The following GNA12 variants were observed in gnomAD, a reference collection of about 807,000 sequenced individuals.
GNA12 encodes G protein subunit alpha 12.
A neutral mutation model predicts 26.0 loss-of-function variants in GNA12; 9 were observed. That is an observed-to-expected ratio of 0.35 (90% CI 0.21 to 0.60). The LOEUF is 0.60. Ranked by LOEUF, GNA12 falls within the 20% of genes least tolerant of loss-of-function variation. The pLI is 0.78. For missense variants in GNA12, 405 were observed against 525.8 expected, an observed-to-expected ratio of 0.77 and a Z score of 2.25; for synonymous variants, 264 against 219.6, an observed-to-expected ratio of 1.20 and a Z score of -1.79.
intron 2 of GNA12, among the ~76,000 whole-genome samples, chr7:2,782,931 T>C (rs1792266850): frequency 6.6e-6 from 1 of 152,248 alleles, no homozygotes; most frequent in Non-Finnish European, 1.5e-5. Flanking sequence ...TTGAGTTTTT[T>C]AGTTTTAAAT....
intron 1 of GNA12, among the ~76,000 whole-genome samples, chr7:2,803,651 T>C (rs892354200): frequency 6.6e-6 from 1 of 152,058 alleles, no homozygotes; most frequent in African/African-American, 2.4e-5. Flanking sequence ...TTTAGTTCAG[T>C]TGGACAGTGG....
At chr7:2,773,004 T>C (rs1467938661) in intron 2 of GNA12, among the ~76,000 whole-genome samples, 3 of 152,200 alleles carry the variant, frequency 2.0e-5, no homozygotes, top group Admixed American at 2.0e-4. Flanking sequence ...CTCTCAGTCA[T>C]TAAGCAAAGA....
Position 2,728,661 on chromosome 7 carries a change from GAAATTA to G in GNA12, c.*2514_*2519del, listed in dbSNP as rs1789730229. On this transcript the variant is annotated 3_prime_UTR_variant, in exon 4 of 4. Coordinates refer to ENST00000275364, the MANE Select transcript of GNA12 (RefSeq NM_007353.3). ...AAAAAAGACAATAAGGATTAACAGTGAAATTAAAATTAAAAAATACAAAAGCCTAAG... is the reference window on the plus strand; with the variant it reads ...AAAAAAGACAATAAGGATTAACAGTGAAATTAAAAAATACAAAAGCCTAAG... The G allele has an allele frequency of 6.6e-6, 1 of 152,478 alleles. No homozygotes were observed. Among genetic ancestry groups the G allele is most frequent in the Non-Finnish European group, 1.5e-5 (1 of 68,020 alleles). 9.4% of individuals were successfully genotyped at this position (152,478 alleles called of 1,614,324 possible).
intron 1 of GNA12, among the ~76,000 whole-genome samples, chr7:2,807,930 G>A (rs1394833737): frequency 1.3e-5 from 2 of 152,144 alleles, no homozygotes; most frequent in Non-Finnish European, 2.9e-5. Context: ...CGCAGAAACC[G>A]CTCTGTGCCC....
intron 2 of GNA12, among the ~76,000 whole-genome samples, chr7:2,739,586 C>T (rs1405068625): frequency 6.6e-6 from 1 of 152,172 alleles, no homozygotes; most frequent in African/African-American, 2.4e-5. Context: ...GTGAACAGTG[C>T]TACAAACAGC....
chr7:2,776,806 C>T (rs891842346), intron 2 of GNA12, among the ~76,000 whole-genome samples: 10 of 152,120 alleles, frequency 6.6e-5, no homozygotes, highest in Admixed American at 2.6e-4. Context: ...ACGTCGGGGC[C>T]AGGAGAGGTG....
intron 2 of GNA12, among the ~76,000 whole-genome samples, chr7:2,794,076 C>T (rs1357795484): frequency 2.0e-5 from 3 of 151,972 alleles, no homozygotes; most frequent in African/African-American, 7.3e-5. Context: ...GTGAAAAAGG[C>T]AAGTCACAGA....
intron 1 of GNA12, among the ~76,000 whole-genome samples, chr7:2,809,586 C>A (rs1260999817): frequency 1.3e-5 from 2 of 151,962 alleles, no homozygotes; most frequent in African/African-American, 4.8e-5. Flanking sequence ...ATGTCAAAGA[C>A]AAAATTAAAA....
intron 1 of GNA12, among the ~76,000 whole-genome samples, chr7:2,830,177 T>A (rs1793569868): frequency 6.6e-6 from 1 of 152,212 alleles, no homozygotes; most frequent in African/African-American, 2.4e-5. Context: ...CAATGGCTCT[T>A]TCTTGCCTCA....
At chr7:2,838,280 TAA>T (rs36115085) in intron 1 of GNA12, among the ~76,000 whole-genome samples, 5 of 143,738 alleles carry the variant, frequency 3.5e-5, no homozygotes, top group African/African-American at 1.0e-4. Flanking sequence ...GCATTATACT[TAA>T]AAAAAAAAAA....
chr7:2,744,075 T>C (rs955802617), intron 2 of GNA12, among the ~76,000 whole-genome samples: 1 of 152,228 alleles, frequency 6.6e-6, no homozygotes, highest in Non-Finnish European at 1.5e-5. Context: ...CCTGCCTCTG[T>C]AGGTTCCCCC....
chr7:2,805,408 T>TC lies in GNA12; in HGVS notation c.310-10266dup, dbSNP rs567630873. Among the ~76,000 whole-genome samples, 39 of 152,390 alleles carry TC rather than the reference T, an allele frequency of 2.6e-4. 1 individual carries two copies. In the East Asian group the frequency reaches 7.3e-3, roughly 29 times the overall value. Reference sequence around the variant, plus strand: ...CCGATTTAGTTTAAGCTAGAGATTTTCTTTTTTTTTGTAGAGACAGGGTCA... The same window carrying TC: ...CCGATTTAGTTTAAGCTAGAGATTTTCCTTTTTTTTTGTAGAGACAGGGTCA... On this transcript the variant is annotated intron_variant, in intron 1 of 3. Coordinates refer to ENST00000275364, the MANE Select transcript of GNA12 (RefSeq NM_007353.3).
chr7:2,740,305 G>C (rs1790434449), intron 2 of GNA12, among the ~76,000 whole-genome samples: 1 of 152,130 alleles, frequency 6.6e-6, no homozygotes, highest in South Asian at 2.1e-4. Context: ...TTTGGAGATG[G>C]GGACTTTGGG....
chr7:2,754,443 T>C (rs1274409935), intron 2 of GNA12, among the ~76,000 whole-genome samples: 1 of 152,158 alleles, frequency 6.6e-6, no homozygotes, highest in Non-Finnish European at 1.5e-5. Flanking sequence ...CTTTTCATCC[T>C]CTTACTAAGA....
At chr7:2,792,996 C>T (rs1792558601) in intron 2 of GNA12, among the ~76,000 whole-genome samples, 1 of 152,194 alleles carries the variant, frequency 6.6e-6, no homozygotes, top group South Asian at 2.1e-4. Flanking sequence ...GCATCACCAG[C>T]CACTGGACAA....
At chr7:2,815,131 C>G in intron 1 of GNA12, 1 of 776,988 alleles carries the variant, frequency 1.3e-6, no homozygotes, top group Non-Finnish European at 2.0e-6. Flanking sequence ...TCCAAGCTCA[C>G]TGGAGAAGGA....
chr7:2,810,274 T>G (rs564439253), intron 1 of GNA12, among the ~76,000 whole-genome samples: 12 of 152,234 alleles, frequency 7.9e-5, no homozygotes, highest in African/African-American at 2.9e-4. Context: ...TGTCCTCAGA[T>G]GGTGGAAGGG....
intron 2 of GNA12, among the ~76,000 whole-genome samples, chr7:2,740,158 A>G (rs798515): frequency 0.57 from 86,733 of 151,758 alleles, 25,173 homozygotes; most frequent in Non-Finnish European, 0.63. Context: ...ATGGCACTCC[A>G]GTGTGATCTT....
In GNA12 at chr7:2,729,095, A is replaced by G. The variant is rs1789753673; in HGVS notation, c.*2086T>C. On this transcript the variant is annotated 3_prime_UTR_variant, in exon 4 of 4. Transcript: ENST00000275364. Reference sequence around the variant, plus strand: ...GACTACTCAGGAAGGTGTTTCAAACAACTCCCCTGCTACGCGAATCACAGC... The same window carrying G: ...GACTACTCAGGAAGGTGTTTCAAACGACTCCCCTGCTACGCGAATCACAGC... The G allele has an allele frequency of 6.6e-6, 1 of 152,410 alleles. No individual in the cohort carries two copies. The highest frequency in any genetic ancestry group is 1.5e-5 in the Non-Finnish European group (1 of 68,052). 9.4% of individuals were successfully genotyped at this position (152,410 alleles called of 1,614,324 possible).
Sources: gnomAD v4.1 joint callset for allele counts (sites outside exome capture counted in the v4.1 genomes callset) on GRCh38, gnomAD v4.1.1 for gene constraint, MANE v1.5 for transcripts, NCBI Gene and HGNC (gene_info 2026-07-23, HGNC 2026-07-21) for gene names.